Variants in PCCA observed in about 807,000 individuals in gnomAD.
PCCA encodes propionyl-CoA carboxylase subunit alpha.
Under a neutral mutation model 101.3 loss-of-function variants are expected in PCCA, and 74 were observed. The ratio of observed to expected loss-of-function variants is 0.73; its 90% CI spans 0.61 to 0.89. PCCA has a LOEUF of 0.89. Ranked by LOEUF, PCCA falls within the 40% of genes least tolerant of loss-of-function variation. The probability of loss-of-function intolerance (pLI) is 0.00; values close to 1 mark genes in which losing one functional copy is unlikely to be tolerated. For missense variants in PCCA, 891 were observed against 907.0 expected, an observed-to-expected ratio of 0.98 and a Z score of 0.23; for synonymous variants, 294 against 313.6, an observed-to-expected ratio of 0.94 and a Z score of 0.66.
At chr13:100,424,094 C>T (rs2078991824) in intron 19 of PCCA, among the ~76,000 whole-genome samples, 1 of 152,150 alleles carries the variant, frequency 6.6e-6, no homozygotes, top group Non-Finnish European at 1.5e-5. Flanking sequence ...ATAGGTACTG[C>T]CTTTTTTCCC....
intron 5 of PCCA, 65 bp from the exon 6 acceptor site, chr13:100,157,222 C>A: frequency 1.8e-6 from 2 of 1,100,220 alleles, no homozygotes; most frequent in Non-Finnish European, 2.8e-6. Context: ...ATGCACTGTA[C>A]ATTTTGCTTA....
In PCCA at chr13:100,355,431, GACAA is replaced by G. The variant is rs1222855551; in HGVS notation, c.1644-13035_1644-13032del. ...TAGATGTAGAAAATCTTGAGGAATTGACAAACAAATCTGTTAGAACTAATGAGTC... is the reference window on the plus strand; with the variant it reads ...TAGATGTAGAAAATCTTGAGGAATTGACAAATCTGTTAGAACTAATGAGTC... On this transcript the variant is annotated intron_variant, in intron 18 of 23. Coordinates refer to ENST00000376285, the MANE Select transcript of PCCA (RefSeq NM_000282.4). Among the ~76,000 whole-genome samples, 3 of 151,990 alleles carry G rather than the reference GACAA, an allele frequency of 2.0e-5. No individual in the cohort carries two copies. The East Asian group carries it at 5.8e-4, about 29-fold the overall frequency.
At chr13:100,095,661 A>G (rs1013814129) in intron 1 of PCCA, among the ~76,000 whole-genome samples, 6 of 152,174 alleles carry the variant, frequency 3.9e-5, no homozygotes, top group African/African-American at 1.4e-4. Context: ...GTGCCAGGGC[A>G]AAAGCTCTGA....
At chr13:100,242,365 A>G (rs1194599803) in intron 8 of PCCA, among the ~76,000 whole-genome samples, 1 of 152,246 alleles carries the variant, frequency 6.6e-6, no homozygotes, top group African/African-American at 2.4e-5. Flanking sequence ...TATATGCACC[A>G]GGAAACATGG....
At chr13:100,527,349 G>A (rs1237272104) in intron 22 of PCCA, 1 of 492,028 alleles carries the variant, frequency 2.0e-6, no homozygotes, top group Non-Finnish European at 4.1e-6. Context: ...TTTCAGGTAA[G>A]TGGAAAACAT....
At chr13:100,509,066 C>T (rs1177789665) in intron 21 of PCCA, among the ~76,000 whole-genome samples, 1 of 152,164 alleles carries the variant, frequency 6.6e-6, no homozygotes, top group Non-Finnish European at 1.5e-5. Context: ...AGTTTCAGTC[C>T]TGGTAACTTG....
chr13:100,137,870 C>T (rs1407780633), intron 4 of PCCA, among the ~76,000 whole-genome samples: 3 of 150,024 alleles, frequency 2.0e-5, no homozygotes, highest in Non-Finnish European at 4.4e-5. Context: ...AGTGCAGTGG[C>T]GCGATTATGG....
chr13:100,362,403 C>T (rs1301548336), intron 18 of PCCA, among the ~76,000 whole-genome samples: 1 of 152,218 alleles, frequency 6.6e-6, no homozygotes, highest in Non-Finnish European at 1.5e-5. Context: ...AAACACTACT[C>T]TAAGCATTTT....
intron 6 of PCCA, among the ~76,000 whole-genome samples, chr13:100,190,194 G>A (rs370219522): frequency 7.9e-5 from 12 of 152,130 alleles, no homozygotes; most frequent in East Asian, 1.9e-4. Flanking sequence ...TGAAGATCAC[G>A]CACGTAATCT....
At chr13:100,216,893 G>A (rs2059552727) in intron 7 of PCCA, among the ~76,000 whole-genome samples, 1 of 152,010 alleles carries the variant, frequency 6.6e-6, no homozygotes, top group Non-Finnish European at 1.5e-5. Flanking sequence ...CGGATCACCT[G>A]AGGTCAGGAG....
chr13:100,301,740 G>A, intron 13 of PCCA, 137 bp downstream of exon 13: 1 of 1,029,140 alleles, frequency 9.7e-7, no homozygotes, highest in South Asian at 1.3e-5. Context: ...AATTAAATCA[G>A]AAAAAAATTA....
chr13:100,495,003 T>C (rs753734988), intron 21 of PCCA, among the ~76,000 whole-genome samples: 4 of 152,158 alleles, frequency 2.6e-5, no homozygotes, highest in Non-Finnish European at 4.4e-5. Context: ...AGAAATTTGC[T>C]GGTAGGAGGG....
chr13:100,250,345 T>C (rs2061676417), intron 8 of PCCA, among the ~76,000 whole-genome samples: 1 of 152,176 alleles, frequency 6.6e-6, no homozygotes, highest in Non-Finnish European at 1.5e-5. Flanking sequence ...AGCCTGTTAA[T>C]GTGATGGATT....
chr13:100,377,652 G>A (rs111589589), intron 19 of PCCA, among the ~76,000 whole-genome samples: 4,872 of 151,758 alleles, frequency 0.032, 125 homozygotes, highest in Non-Finnish European at 0.046. Context: ...CTGCCACCAC[G>A]CCCGGCTAAT....
chr13:100,384,027 AT>A (rs11301747), intron 19 of PCCA, among the ~76,000 whole-genome samples: 110,970 of 134,856 alleles, frequency 0.82, 45,381 homozygotes, highest in Middle Eastern at 0.9. Flanking sequence ...TGAAAGTTTG[AT>A]TTTTTTTTTT....
chr13:100,462,225 T>C (rs1359952592), intron 21 of PCCA, among the ~76,000 whole-genome samples: 2 of 152,226 alleles, frequency 1.3e-5, no homozygotes, highest in African/African-American at 4.8e-5. Context: ...CTGTGTGCCA[T>C]GTAACCAAGC....
At chr13:100,202,719 T>C (rs937150335) in intron 6 of PCCA, among the ~76,000 whole-genome samples, 1 of 151,502 alleles carries the variant, frequency 6.6e-6, no homozygotes, top group African/African-American at 2.4e-5. Flanking sequence ...TCAATATTTC[T>C]CATCTTCTGT....
At chr13:100,230,959 C>G (rs2060433981) in intron 7 of PCCA, among the ~76,000 whole-genome samples, 2 of 152,214 alleles carry the variant, frequency 1.3e-5, no homozygotes, top group African/African-American at 4.8e-5. Context: ...CAGTTTCTCT[C>G]ATGTGGCTGT....
intron 22 of PCCA, among the ~76,000 whole-genome samples, chr13:100,526,310 A>T (rs2087806324): frequency 6.6e-6 from 1 of 152,202 alleles, no homozygotes; most frequent in Non-Finnish European, 1.5e-5. Context: ...AATGAATCAA[A>T]AAGGGCAGCG....
Sources: gnomAD v4.1 joint callset for allele counts (sites outside exome capture counted in the v4.1 genomes callset) on GRCh38, gnomAD v4.1.1 for gene constraint, MANE v1.5 for transcripts, NCBI Gene and HGNC (gene_info 2026-07-23, HGNC 2026-07-21) for gene names.